SIL1: variants seen among roughly 807,000 people sequenced by gnomAD.
SIL1 encodes the protein SIL1 nucleotide exchange factor, also known as nucleotide exchange factor SIL1.
Under a neutral mutation model 49.1 loss-of-function variants are expected in SIL1, and 40 were observed. That is an observed-to-expected ratio of 0.81 (90% CI 0.63 to 1.06). The LOEUF is 1.06. Ranked by LOEUF, SIL1 falls within the 50% of genes least tolerant of loss-of-function variation. SIL1 has a pLI of 0.00. For synonymous variants in SIL1, 253 were observed against 250.8 expected, an observed-to-expected ratio of 1.01 and a Z score of -0.08; for missense variants, 500 against 572.6, an observed-to-expected ratio of 0.87 and a Z score of 1.29.
chr5:139,043,509 T>A (rs528621893), intron 4 of SIL1, among the ~76,000 whole-genome samples: 1 of 152,340 alleles, frequency 6.6e-6, no homozygotes, highest in East Asian at 1.9e-4. Context: ...GACCAACCTA[T>A]GAGCACAAAG....
At chr5:139,124,334 G>A (rs1351464680) in intron 2 of SIL1, among the ~76,000 whole-genome samples, 1 of 152,176 alleles carries the variant, frequency 6.6e-6, no homozygotes, top group Non-Finnish European at 1.5e-5. Flanking sequence ...CAAGTCCTAA[G>A]GAGGCCAGAC....
intron 1 of SIL1, among the ~76,000 whole-genome samples, chr5:139,161,469 A>G (rs1751512745): frequency 6.6e-6 from 1 of 152,234 alleles, no homozygotes; most frequent in Admixed American, 6.5e-5. Flanking sequence ...AGACATGAGT[A>G]GAGACCAGTA....
intron 3 of SIL1, among the ~76,000 whole-genome samples, chr5:139,115,257 T>C (rs61216250): frequency 0.027 from 4,171 of 152,274 alleles, 179 homozygotes; most frequent in African/African-American, 0.095. Context: ...AAAAAATATG[T>C]GTAGTCTTTG....
At chr5:139,197,447 A>T (rs1049981404) in intron 1 of SIL1, among the ~76,000 whole-genome samples, 8 of 152,168 alleles carry the variant, frequency 5.3e-5, no homozygotes, top group Non-Finnish European at 1.0e-4. Flanking sequence ...TGAACTTTAA[A>T]CGAAGCCAGG....
intron 1 of SIL1, among the ~76,000 whole-genome samples, chr5:139,153,088 G>T (rs1751339454): frequency 6.6e-6 from 1 of 152,198 alleles, no homozygotes; most frequent in South Asian, 2.1e-4. Context: ...AAAGTGCTGG[G>T]ATTACAGGCG....
chr5:138,964,724 A>AG (rs759870012), intron 7 of SIL1, among the ~76,000 whole-genome samples: 8 of 152,262 alleles, frequency 5.3e-5, no homozygotes, highest in Non-Finnish European at 1.2e-4. Flanking sequence ...TTGAATAGCA[A>AG]GGGAAACAAA....
intron 7 of SIL1, among the ~76,000 whole-genome samples, chr5:139,000,910 A>G (rs1405019442): frequency 6.6e-6 from 1 of 151,908 alleles, no homozygotes; most frequent in Non-Finnish European, 1.5e-5. Context: ...TATATAATAT[A>G]TAAATGCCAA....
intron 1 of SIL1, among the ~76,000 whole-genome samples, chr5:139,178,330 T>G (rs1188925080): frequency 6.6e-6 from 1 of 152,150 alleles, no homozygotes. Context: ...ACAAAATCCA[T>G]CCAGTGTCCA....
intron 2 of SIL1, 31 bp downstream of exon 2, chr5:139,127,708 G>A (rs1244794483): frequency 7.7e-6 from 12 of 1,565,442 alleles, no homozygotes; most frequent in Non-Finnish European, 9.6e-6. Flanking sequence ...CCTCATCAAG[G>A]GTCCCTCCCA....
chr5:138,951,282 C>T lies in SIL1; in HGVS notation c.918G>A (p.Gln306=), dbSNP rs1262889094. 2 of 1,574,202 alleles carry T rather than the reference C, an allele frequency of 1.3e-6. No individual in the cohort carries two copies. The highest frequency in any genetic ancestry group is 1.2e-5 in the South Asian group (1 of 86,062). Residue 306 remains glutamine (Q), a synonymous_variant, in exon 9 of 10, where the codon CAG becomes CAA. Transcript: ENST00000394817. ...CCTGCAGCCCCCCGAGCTTCAGGAA[C>T]TGCCGCTGGGCATAGGGGAAGTGGC... ...LLRHFPYAQR[Q]FLKLGGLQVL...
intron 3 of SIL1, among the ~76,000 whole-genome samples, chr5:139,110,079 G>T (rs1402110233): frequency 6.6e-6 from 1 of 151,496 alleles, no homozygotes; most frequent in East Asian, 1.9e-4. Flanking sequence ...TGAGGCAGGA[G>T]AATTGCTTGA....
chr5:139,163,261 A>G (rs916700502), intron 1 of SIL1, among the ~76,000 whole-genome samples: 3 of 152,206 alleles, frequency 2.0e-5, no homozygotes, highest in African/African-American at 7.2e-5. Flanking sequence ...AGGGAAACTG[A>G]TAACTGATTC....
At chr5:139,138,743 G>T (rs1270881491) in intron 1 of SIL1, among the ~76,000 whole-genome samples, 2 of 152,174 alleles carry the variant, frequency 1.3e-5, no homozygotes, top group Non-Finnish European at 2.9e-5. Context: ...GGCTCATAAA[G>T]CTTATAGCTC....
chr5:139,170,903 G>A (rs1355182416), intron 1 of SIL1, among the ~76,000 whole-genome samples: 2 of 149,820 alleles, frequency 1.3e-5, no homozygotes, highest in African/African-American at 2.4e-5. Flanking sequence ...CTACTGGGAA[G>A]TGAGGAGCCC....
At chr5:139,131,404 C>T (rs998789831) in intron 1 of SIL1, among the ~76,000 whole-genome samples, 1 of 152,100 alleles carries the variant, frequency 6.6e-6, no homozygotes, top group Admixed American at 6.5e-5. Context: ...GAAGTCATTA[C>T]CCCTCTGCCC....
chr5:139,082,057 A>T (rs10900856), intron 3 of SIL1, among the ~76,000 whole-genome samples: 2 of 152,068 alleles, frequency 1.3e-5, no homozygotes, highest in Non-Finnish European at 2.9e-5. Flanking sequence ...GGTACTGGGC[A>T]TCAGAATAGC....
intron 1 of SIL1, among the ~76,000 whole-genome samples, chr5:139,168,659 C>T (rs1339877548): frequency 6.6e-6 from 1 of 151,946 alleles, no homozygotes; most frequent in Non-Finnish European, 1.5e-5. Context: ...ATCTTTTTCA[C>T]CTTTTGGGAG....
intron 3 of SIL1, among the ~76,000 whole-genome samples, chr5:139,095,110 G>A (rs1467858403): frequency 6.6e-6 from 1 of 152,112 alleles, no homozygotes; most frequent in Non-Finnish European, 1.5e-5. Flanking sequence ...TTGATCACAG[G>A]TAGTACTTAC....
At chr5:139,079,402 T>C (rs1770023069) in intron 3 of SIL1, among the ~76,000 whole-genome samples, 1 of 152,210 alleles carries the variant, frequency 6.6e-6, no homozygotes, top group East Asian at 1.9e-4. Context: ...ACAAGAATTA[T>C]GGGTAATTCG....
Sources: gnomAD v4.1 joint callset for allele counts (sites outside exome capture counted in the v4.1 genomes callset) on GRCh38, gnomAD v4.1.1 for gene constraint, MANE v1.5 for transcripts, NCBI Gene and HGNC (gene_info 2026-07-23, HGNC 2026-07-21) for gene names.